Variants in TMEM182 observed in about 807,000 individuals in gnomAD.
TMEM182 encodes transmembrane protein 182.
A neutral mutation model predicts 26.8 loss-of-function variants in TMEM182; 20 were observed. The observed-to-expected ratio is 0.75, with a 90% confidence interval of 0.53 to 1.09. The LOEUF is 1.09. Ranked by LOEUF, TMEM182 falls within the 50% of genes least tolerant of loss-of-function variation. TMEM182 has a pLI of 0.00. For synonymous variants in TMEM182, 109 were observed against 102.2 expected (o/e 1.07, Z -0.40); for missense variants, 277 against 275.5 (o/e 1.01, Z -0.04).
At chr2:102,760,245 G>A (rs937234128), upstream of TMEM182, among the ~76,000 whole-genome samples, 1 of 152,188 alleles carries the variant, frequency 6.6e-6, no homozygotes, top group African/African-American at 2.4e-5. Context: ...CCTCTATATA[G>A]GGGTAGGGAA....
chr2:102,759,350 G>C (rs867674242), upstream of TMEM182, among the ~76,000 whole-genome samples: 2 of 152,132 alleles, frequency 1.3e-5, no homozygotes, highest in Non-Finnish European at 2.9e-5. Context: ...GGGAGGGGGC[G>C]TGTGGGGGAG....
chr2:102,817,425 C>T lies in TMEM182; in HGVS notation c.*2457C>T. The T allele has an allele frequency of 1.1e-5, 11 of 985,416 alleles. No homozygotes were observed. The highest frequency in any genetic ancestry group is 1.3e-5 in the Non-Finnish European group (11 of 829,926). 61.0% of individuals were successfully genotyped at this position (985,416 alleles called of 1,614,324 possible). On this transcript the variant is annotated 3_prime_UTR_variant, in exon 5 of 5. Transcript: ENST00000412401. ...TCTTGGACTTGGTGAAAGCTATCAT[C>T]TCTCCATATTGTATTTGTTCAGCTG...
At chr2:102,754,291 G>A (rs927270452) in intron 1 of TMEM182, among the ~76,000 whole-genome samples, 8 of 152,138 alleles carry the variant, frequency 5.3e-5, no homozygotes, top group Non-Finnish European at 2.9e-5. Context: ...ACACCCACTC[G>A]TGGAACCTGG....
intron 3 of TMEM182, among the ~76,000 whole-genome samples, chr2:102,768,546 A>G (rs553870130): frequency 6.6e-6 from 1 of 151,174 alleles, no homozygotes; most frequent in Non-Finnish European, 1.5e-5. Context: ...AACACACACA[A>G]AAAAATTAGC....
At chr2:102,830,540 A>G (rs1219793231) in intron 3 of TMEM182, among the ~76,000 whole-genome samples, 2 of 151,922 alleles carry the variant, frequency 1.3e-5, no homozygotes, top group Admixed American at 6.6e-5. Flanking sequence ...GTATTTATGT[A>G]TTTATTTATG....
rs936105427 is a variant in TMEM182 at position 102,814,770 on chromosome 2, G to A, written c.492G>A (p.Val164=). ...CAGGCATCCTATTTTCATTGGTGGT[G>A]ATGCTGTATGTCATCTGGGTCCAGG... ...IAAGILFSLV[V]MLYVIWVQAV... The change falls in exon 5 of 5, where the codon GTG becomes GTA. Residue 164 remains valine, a synonymous_variant. Coordinates refer to ENST00000412401, the MANE Select transcript of TMEM182 (RefSeq NM_144632.5). 13 of 1,613,554 alleles carry A rather than the reference G, an allele frequency of 8.1e-6. No individual in the cohort carries two copies. The highest frequency in any genetic ancestry group is 1.1e-5 in the Non-Finnish European group (13 of 1,179,854).
chr2:102,801,682 C>T (rs1230908324), intron 4 of TMEM182, among the ~76,000 whole-genome samples: 2 of 152,118 alleles, frequency 1.3e-5, no homozygotes, highest in African/African-American at 4.8e-5. Context: ...GAACAGGAAG[C>T]TATAAACTCA....
At chr2:102,818,535 T>C (rs1462168162), downstream of TMEM182, among the ~76,000 whole-genome samples, 1 of 152,096 alleles carries the variant, frequency 6.6e-6, no homozygotes, top group African/African-American at 2.4e-5. Flanking sequence ...GACTAGCCTG[T>C]GAGAGTGGGA....
At chr2:102,838,674 G>A (rs1683293750) in intron 3 of TMEM182, among the ~76,000 whole-genome samples, 1 of 152,146 alleles carries the variant, frequency 6.6e-6, no homozygotes, top group Non-Finnish European at 1.5e-5. Context: ...AACAGGGGCT[G>A]GACGACCATT....
intron 3 of TMEM182, among the ~76,000 whole-genome samples, chr2:102,771,288 A>G (rs1444636471): frequency 6.6e-6 from 1 of 152,184 alleles, no homozygotes; most frequent in Non-Finnish European, 1.5e-5. Flanking sequence ...AGCCATCACC[A>G]CAGACACAGT....
At chr2:102,763,365 A>G (rs1202793861) in intron 2 of TMEM182, among the ~76,000 whole-genome samples, 1 of 152,220 alleles carries the variant, frequency 6.6e-6, no homozygotes, top group Admixed American at 6.5e-5. Flanking sequence ...TTTATTGAAA[A>G]TAGCTAGCGC....
intron 3 of TMEM182, among the ~76,000 whole-genome samples, chr2:102,767,624 GTTCC>G (rs1439578069): frequency 6.6e-6 from 1 of 151,960 alleles, no homozygotes; most frequent in East Asian, 1.9e-4. Context: ...GTTTACTTCA[GTTCC>G]TTCATTATTT....
At chr2:102,807,551 A>G (rs1682393265) in intron 4 of TMEM182, among the ~76,000 whole-genome samples, 2 of 152,250 alleles carry the variant, frequency 1.3e-5, no homozygotes, top group Non-Finnish European at 2.9e-5. Context: ...GATTGTCTAA[A>G]TATTTTGATG....
At chr2:102,791,626 T>C (rs906629760) in intron 3 of TMEM182, among the ~76,000 whole-genome samples, 1 of 152,238 alleles carries the variant, frequency 6.6e-6, no homozygotes, top group Admixed American at 6.5e-5. Flanking sequence ...ATTCTTTAAT[T>C]CTTTAATCCT....
chr2:102,778,704 GTTA>G (rs66764925), intron 3 of TMEM182, among the ~76,000 whole-genome samples: 80,752 of 149,736 alleles, frequency 0.54, 22,173 homozygotes, highest in African/African-American at 0.66. Context: ...ATAAATACAT[GTTA>G]TTATGGTCTA....
intron 3 of TMEM182, among the ~76,000 whole-genome samples, chr2:102,788,156 G>A (rs1035698015): frequency 5.3e-5 from 8 of 152,202 alleles, no homozygotes; most frequent in Non-Finnish European, 8.8e-5. Context: ...TGATCCTCCT[G>A]TGTAACAGGG....
intron 3 of TMEM182, among the ~76,000 whole-genome samples, chr2:102,774,935 C>G (rs1487246173): frequency 6.6e-6 from 1 of 151,928 alleles, no homozygotes; most frequent in African/African-American, 2.4e-5. Context: ...TTTACTTAGT[C>G]TAGATTATTT....
chr2:102,809,610 G>A (rs1372386663), intron 4 of TMEM182, among the ~76,000 whole-genome samples: 1 of 152,118 alleles, frequency 6.6e-6, no homozygotes, highest in Non-Finnish European at 1.5e-5. Context: ...GTGCTCTCAG[G>A]GTTCAGTCTG....
At chr2:102,759,808 G>T (rs1204642810), upstream of TMEM182, among the ~76,000 whole-genome samples, 1 of 152,122 alleles carries the variant, frequency 6.6e-6, no homozygotes. Context: ...ACTTCTAGAT[G>T]CACTCTATAT....
Sources: gnomAD v4.1 joint callset for allele counts (sites outside exome capture counted in the v4.1 genomes callset) on GRCh38, gnomAD v4.1.1 for gene constraint, MANE v1.5 for transcripts, NCBI Gene and HGNC (gene_info 2026-07-23, HGNC 2026-07-21) for gene names.